NMBR: variants seen among roughly 807,000 people sequenced by gnomAD.
The protein encoded by NMBR is neuromedin-B receptor.
NMBR carries 16 observed loss-of-function variants against 20.5 expected under a neutral mutation model. The observed-to-expected ratio is 0.78, with a 90% CI of 0.53 to 1.19. The LOEUF is 1.19. Among genes scored for constraint, NMBR ranks in the 50% most tolerant of loss-of-function variants. The pLI is 0.00. For missense variants in NMBR, 582 were observed against 499.1 expected, an observed-to-expected ratio of 1.17 and a Z score of -1.58; for synonymous variants, 212 against 196.6, an observed-to-expected ratio of 1.08 and a Z score of -0.65.
At chr6:142,120,834 A>C (rs551928532) in intron 1 of NMBR, among the ~76,000 whole-genome samples, 50 of 152,134 alleles carry the variant, frequency 3.3e-4, no homozygotes, top group Non-Finnish European at 5.9e-4. Context: ...AGCAAACAAC[A>C]AAATAAAATT....
intron 1 of NMBR, among the ~76,000 whole-genome samples, chr6:142,141,216 T>C (rs1397900843): frequency 1.3e-5 from 2 of 152,188 alleles, no homozygotes; most frequent in Non-Finnish European, 2.9e-5. Flanking sequence ...ATACAGACTA[T>C]AGTCTCTGGT....
intron 1 of NMBR, among the ~76,000 whole-genome samples, chr6:142,094,268 G>A (rs1255472752): frequency 1.3e-5 from 2 of 152,050 alleles, no homozygotes; most frequent in African/African-American, 4.8e-5. Context: ...TTCTTCTAGG[G>A]TTTTTATTGT....
intron 1 of NMBR, among the ~76,000 whole-genome samples, chr6:142,124,220 T>TG (rs1351028683): frequency 6.6e-6 from 1 of 151,904 alleles, no homozygotes; most frequent in East Asian, 1.9e-4. Flanking sequence ...GGCTTAGACT[T>TG]GTTAGGTAAT....
At chr6:142,098,143 C>A (rs1367385280) in intron 1 of NMBR, among the ~76,000 whole-genome samples, 2 of 152,032 alleles carry the variant, frequency 1.3e-5, no homozygotes, top group Non-Finnish European at 2.9e-5. Flanking sequence ...AAAACAGCCC[C>A]AATTTTTTCA....
chr6:142,090,379 G>A (rs1204853646), intron 1 of NMBR, among the ~76,000 whole-genome samples: 3 of 151,490 alleles, frequency 2.0e-5, no homozygotes, highest in Non-Finnish European at 2.9e-5. Context: ...TCCAGATATT[G>A]CCCACCAAGA....
intron 1 of NMBR, among the ~76,000 whole-genome samples, chr6:142,109,187 G>T (rs1006647089): frequency 2.6e-5 from 4 of 152,138 alleles, no homozygotes; most frequent in African/African-American, 9.7e-5. Context: ...GCCATTGGTG[G>T]ATCTACCATT....
chr6:142,085,251 C>T (rs552434840), intron 2 of NMBR, among the ~76,000 whole-genome samples: 24 of 152,266 alleles, frequency 1.6e-4, no homozygotes, highest in African/African-American at 5.8e-4. Context: ...CAGCTAGGAG[C>T]AGTGGCTCAC....
Position 142,075,592 on chromosome 6 carries a change from A to C in NMBR, c.*56T>G. On this transcript the variant is annotated 3_prime_UTR_variant, in exon 4 of 4. Coordinates refer to ENST00000258042, the MANE Select transcript of NMBR (RefSeq NM_002511.4). The stretch of plus-strand genomic sequence containing the variant: ...GCAACAGCAAGTTCTGATCTGCCGA[A>C]TAGGAATTTTAACAGTTACTAAGTT... 1 of 1,492,710 alleles carries C rather than the reference A, an allele frequency of 6.7e-7. No homozygotes were observed. The highest frequency in any genetic ancestry group is 9.0e-7 in the Non-Finnish European group (1 of 1,110,194). The allele number at this position is 1,492,710 out of a possible 1,614,324, so 92.5% of individuals were successfully genotyped here. A position where few individuals can be genotyped will look rare whatever the true frequency, so the allele number is the denominator to read the frequency against.
chr6:142,129,295 C>A (rs577669795), intron 1 of NMBR, among the ~76,000 whole-genome samples: 1 of 152,090 alleles, frequency 6.6e-6, no homozygotes, highest in East Asian at 1.9e-4. Context: ...TCTGAGCTCG[C>A]CTTCCCTCCT....
At chr6:142,103,592 T>G (rs1171838607) in intron 1 of NMBR, among the ~76,000 whole-genome samples, 1 of 152,210 alleles carries the variant, frequency 6.6e-6, no homozygotes. Flanking sequence ...ATGAGGTGGC[T>G]GTCCAGAATC....
At position 142,078,600 on chromosome 6, in the gene NMBR, G is replaced by C; in HGVS notation, c.726C>G (p.Ser242Arg). ...YYHIAKTLIKSAHNLPGEYNE... is the reference protein window; with the variant it reads ...YYHIAKTLIKRAHNLPGEYNE... Reference sequence around the variant, plus strand: ...TGTATTCTCCAGGAAGATTGTGTGCGCTTTTAATTAAGGTCTTTGCAATAT... The same window carrying C: ...TGTATTCTCCAGGAAGATTGTGTGCCCTTTTAATTAAGGTCTTTGCAATAT... Residue 242 changes from serine (S) to arginine (R), a missense_variant, in exon 3 of 4, where the codon AGC becomes AGG. Transcript: ENST00000258042. The C allele has an allele frequency of 6.2e-7, 1 of 1,610,320 alleles. No homozygotes were observed.
At position 142,088,526 on chromosome 6, in the gene NMBR, C is replaced by T. The variant is rs146564973; in HGVS notation, c.133G>A (p.Val45Met). The change falls in exon 2 of 4, where the codon GTG becomes ATG. Residue 45 changes from valine to methionine, a missense_variant. Physicochemically the swap from Val to Met is conservative, Grantham distance 21 (BLOSUM62 1). Coordinates refer to ENST00000258042, the MANE Select transcript of NMBR (RefSeq NM_002511.4). Reference sequence around the variant, plus strand: ...ATGAGCAGGTAGAGGGACGGGATCACACAGCGGATCACCAACTCCGTGGTG... The same window carrying T: ...ATGAGCAGGTAGAGGGACGGGATCATACAGCGGATCACCAACTCCGTGGTG... ...GTTTELVIRCVIPSLYLLIIT... is the reference protein window; with the variant it reads ...GTTTELVIRCMIPSLYLLIIT... 3.8e-5 allele frequency: 61 copies of T among 1,613,948 alleles called. No homozygotes were observed. The African/African-American group carries it at 7.1e-4, about 19-fold the overall frequency.
chr6:142,141,799 G>C (rs1008204359), intron 1 of NMBR, among the ~76,000 whole-genome samples: 4 of 152,052 alleles, frequency 2.6e-5, no homozygotes, highest in Non-Finnish European at 4.4e-5. Context: ...CACCACGCCC[G>C]GCCTGAAGTT....
At chr6:142,117,855 CA>C (rs1777880113) in intron 1 of NMBR, among the ~76,000 whole-genome samples, 1 of 151,848 alleles carries the variant, frequency 6.6e-6, no homozygotes. Flanking sequence ...AAGTACACAA[CA>C]AAAGTATTTA....
intron 1 of NMBR, among the ~76,000 whole-genome samples, 165 bp from the exon 2 acceptor site, chr6:142,089,486 A>T (rs1669552863): frequency 2.0e-5 from 3 of 152,244 alleles, no homozygotes; most frequent in Non-Finnish European, 4.4e-5. Context: ...TTATTGAATT[A>T]TAACGTGTAT....
At chr6:142,137,791 T>C (rs1262652432) in intron 1 of NMBR, among the ~76,000 whole-genome samples, 2 of 152,184 alleles carry the variant, frequency 1.3e-5, no homozygotes, top group African/African-American at 4.8e-5. Context: ...ATATGCTGGA[T>C]TACATTTATT....
At chr6:142,115,969 AGGGT>A (rs917501794) in intron 1 of NMBR, among the ~76,000 whole-genome samples, 6 of 151,924 alleles carry the variant, frequency 3.9e-5, no homozygotes, top group Non-Finnish European at 8.8e-5. Flanking sequence ...TTAAATTATG[AGGGT>A]GGGTCTTTCC....
intron 1 of NMBR, among the ~76,000 whole-genome samples, chr6:142,092,748 T>C (rs1342212360): frequency 6.6e-6 from 1 of 152,102 alleles, no homozygotes; most frequent in Non-Finnish European, 1.5e-5. Flanking sequence ...GAAGTCTCTC[T>C]TACTTGAGAA....
chr6:142,087,294 C>G (rs1414526272), intron 2 of NMBR, among the ~76,000 whole-genome samples: 1 of 152,152 alleles, frequency 6.6e-6, no homozygotes, highest in Non-Finnish European at 1.5e-5. Context: ...CCTTAATTAT[C>G]CAAGTTAATT....
Sources: gnomAD v4.1 joint callset for allele counts (sites outside exome capture counted in the v4.1 genomes callset) on GRCh38, gnomAD v4.1.1 for gene constraint, MANE v1.5 for transcripts, NCBI Gene and HGNC (gene_info 2026-07-23, HGNC 2026-07-21) for gene names.